The following KCNAB1 variants were observed in gnomAD, a reference collection of about 807,000 sequenced individuals.
The protein encoded by KCNAB1 is voltage-gated potassium channel subunit beta-1.
A neutral mutation model predicts 64.6 loss-of-function variants in KCNAB1; 35 were observed. The observed-to-expected ratio is 0.54, with a 90% confidence interval of 0.41 to 0.72. The LOEUF (loss-of-function observed/expected upper bound fraction) is 0.72, where lower values mean the gene tolerates loss of function less well. Among genes scored for constraint, KCNAB1 ranks in the 30% least tolerant of loss-of-function variants. KCNAB1 has a pLI of 0.00. For synonymous variants in KCNAB1, 177 were observed against 183.8 expected (o/e 0.96, Z 0.30); for missense variants, 401 against 512.9 (o/e 0.78, Z 2.11).
intron 1 of KCNAB1, chr3:156,175,849 T>TAC (rs1712334294): frequency 1.5e-6 from 1 of 682,824 alleles, no homozygotes; most frequent in African/African-American, 1.8e-5. Flanking sequence ...AGCCTTGGAG[T>TAC]CTTCCATTCC....
intron 1 of KCNAB1, among the ~76,000 whole-genome samples, chr3:156,180,314 A>C (rs1409936029): frequency 6.6e-6 from 1 of 152,252 alleles, no homozygotes; most frequent in African/African-American, 2.4e-5. Context: ...ATGGAACCAG[A>C]TTAGTCTGAC....
At chr3:156,176,510 A>C in intron 1 of KCNAB1, 1 of 796,640 alleles carries the variant, frequency 1.3e-6, no homozygotes, top group Non-Finnish European at 2.3e-6. Flanking sequence ...CCACACAGCC[A>C]CAGTTTTATC....
chr3:156,439,148 G>A (rs954987429), intron 2 of KCNAB1, among the ~76,000 whole-genome samples: 3 of 149,978 alleles, frequency 2.0e-5, no homozygotes, highest in Non-Finnish European at 4.4e-5. Context: ...ACAAGATAAT[G>A]TCTATAAAGG....
intron 6 of KCNAB1, among the ~76,000 whole-genome samples, chr3:156,465,001 AG>A (rs1237008212): frequency 6.6e-6 from 1 of 152,218 alleles, no homozygotes; most frequent in Non-Finnish European, 1.5e-5. Flanking sequence ...ATATTTAAAA[AG>A]AAGCTGCCAA....
intron 8 of KCNAB1, among the ~76,000 whole-genome samples, chr3:156,489,198 T>G (rs1388334469): frequency 6.6e-6 from 1 of 151,884 alleles, no homozygotes; most frequent in Non-Finnish European, 1.5e-5. Flanking sequence ...TGAGAATTGA[T>G]GAAATCACAC....
At chr3:156,182,704 T>A (rs899028550) in intron 1 of KCNAB1, among the ~76,000 whole-genome samples, 1 of 150,834 alleles carries the variant, frequency 6.6e-6, no homozygotes, top group Non-Finnish European at 1.5e-5. Flanking sequence ...AATTTTTTTT[T>A]TTTTTTTTTA....
intron 12 of KCNAB1, among the ~76,000 whole-genome samples, chr3:156,525,501 C>T (rs1718250804): frequency 6.6e-6 from 1 of 152,068 alleles, no homozygotes; most frequent in Non-Finnish European, 1.5e-5. Flanking sequence ...CAAATAAGTT[C>T]AAAGGTTTTT....
At chr3:156,389,891 A>T (rs1338220327) in intron 1 of KCNAB1, among the ~76,000 whole-genome samples, 2 of 152,208 alleles carry the variant, frequency 1.3e-5, no homozygotes, top group Non-Finnish European at 2.9e-5. Flanking sequence ...CACACCCATT[A>T]ATTTACATAT....
chr3:156,123,652 G>T (rs528422354), intron 1 of KCNAB1, among the ~76,000 whole-genome samples: 1 of 152,232 alleles, frequency 6.6e-6, no homozygotes, highest in African/African-American at 2.4e-5. Flanking sequence ...CAGATTTATT[G>T]TTCATCTAGA....
intron 1 of KCNAB1, among the ~76,000 whole-genome samples, chr3:156,231,329 C>G (rs1716509982): frequency 6.6e-6 from 1 of 152,118 alleles, no homozygotes; most frequent in Admixed American, 6.5e-5. Context: ...TATATCATGA[C>G]TTACTTTCCA....
At chr3:156,257,826 G>C (rs572190423) in intron 1 of KCNAB1, among the ~76,000 whole-genome samples, 1 of 152,254 alleles carries the variant, frequency 6.6e-6, no homozygotes, top group East Asian at 1.9e-4. Flanking sequence ...TGGGGAATTT[G>C]AATAGGAGTT....
intron 5 of KCNAB1, among the ~76,000 whole-genome samples, chr3:156,462,534 A>G (rs909566671): frequency 2.0e-5 from 3 of 152,176 alleles, no homozygotes; most frequent in South Asian, 2.1e-4. Flanking sequence ...TCGACCTTCC[A>G]TTATAGTGAT....
intron 1 of KCNAB1, among the ~76,000 whole-genome samples, chr3:156,312,703 CAAAAAAAAA>C (rs397991453): frequency 2.8e-3 from 78 of 27,416 alleles, no homozygotes; most frequent in African/African-American, 4.3e-3. Flanking sequence ...AGACTGTCTC[CAAAAAAAAA>C]AAAAAAAAAA....
intron 1 of KCNAB1, among the ~76,000 whole-genome samples, chr3:156,193,514 A>C (rs1175055097): frequency 1.3e-5 from 2 of 152,140 alleles, no homozygotes; most frequent in African/African-American, 4.8e-5. Flanking sequence ...AGGCTGGGTA[A>C]TTTATAAGGA....
intron 1 of KCNAB1, among the ~76,000 whole-genome samples, chr3:156,310,439 A>C (rs1479400098): frequency 6.6e-6 from 1 of 152,140 alleles, no homozygotes; most frequent in Non-Finnish European, 1.5e-5. Flanking sequence ...GAGCCCAAAG[A>C]GATGAGTTTG....
intron 1 of KCNAB1, among the ~76,000 whole-genome samples, chr3:156,335,522 T>C (rs6795493): frequency 0.39 from 59,006 of 152,164 alleles, 15,000 homozygotes; most frequent in African/African-American, 0.73. Context: ...TTACTCCTAT[T>C]GCATGTCCTA....
intron 1 of KCNAB1, among the ~76,000 whole-genome samples, chr3:156,417,411 C>T (rs1209077542): frequency 6.6e-6 from 1 of 152,206 alleles, no homozygotes; most frequent in East Asian, 1.9e-4. Flanking sequence ...CTTGCATATG[C>T]TTTCCAGCTG....
At chr3:156,424,083 G>A (rs972008339) in intron 2 of KCNAB1, among the ~76,000 whole-genome samples, 2 of 152,146 alleles carry the variant, frequency 1.3e-5, no homozygotes, top group Non-Finnish European at 2.9e-5. Context: ...GATCAGTGAA[G>A]GAGAGAAGGT....
intron 1 of KCNAB1, among the ~76,000 whole-genome samples, chr3:156,284,387 A>G (rs1228993895): frequency 1.3e-5 from 2 of 152,184 alleles, no homozygotes; most frequent in East Asian, 3.9e-4. Context: ...AGACAGGGAC[A>G]TGTAAGTCTG....
Sources: allele counts gnomAD v4.1 joint callset (sites outside exome capture counted in the v4.1 genomes callset), GRCh38; gene constraint gnomAD v4.1.1; transcripts MANE v1.5; gene names NCBI Gene and HGNC (gene_info 2026-07-23, HGNC 2026-07-21).